The following PRUNE2 variants were observed in gnomAD, a reference collection of about 807,000 sequenced individuals.
The protein encoded by PRUNE2 is protein prune homolog 2.
In PRUNE2, 164 loss-of-function variants were observed where a neutral mutation model predicts 252.0. The ratio of observed to expected loss-of-function variants is 0.65; its 90% CI spans 0.57 to 0.74. The LOEUF (loss-of-function observed/expected upper bound fraction) is 0.74, where lower values mean the gene tolerates loss of function less well. Ranked by LOEUF, PRUNE2 falls within the 30% of genes least tolerant of loss-of-function variation. The pLI is 0.00. For synonymous variants in PRUNE2, 1,292 were observed against 1,350.2 expected (o/e 0.96, Z 0.94); for missense variants, 3,495 against 3,711.0 (o/e 0.94, Z 1.51).
At chr9:76,698,031 T>G (rs1167311420) in intron 9 of PRUNE2, among the ~76,000 whole-genome samples, 1 of 149,078 alleles carries the variant, frequency 6.7e-6, no homozygotes, top group Non-Finnish European at 1.5e-5. Flanking sequence ...AAGTCCTGAA[T>G]TAAACTGCAA....
chr9:76,655,604 C>CTT (rs558672280), intron 9 of PRUNE2, 102 bp from the exon 10 acceptor site: 28 of 856,236 alleles, frequency 3.3e-5, no homozygotes, highest in African/African-American at 3.2e-4. Context: ...TTTCAACTCA[C>CTT]TTAAAATAAA....
At chr9:76,839,986 G>A (rs939942950) in intron 4 of PRUNE2, among the ~76,000 whole-genome samples, 2 of 152,216 alleles carry the variant, frequency 1.3e-5, no homozygotes, top group Admixed American at 6.5e-5. Flanking sequence ...AGGTTCTACT[G>A]CAGCCGTGTT....
chr9:76,872,415 C>T (rs983855657), intron 1 of PRUNE2, among the ~76,000 whole-genome samples: 6 of 152,044 alleles, frequency 3.9e-5, no homozygotes, highest in Admixed American at 2.0e-4. Flanking sequence ...AATGTGGGGG[C>T]GCAGTGGACA....
intron 6 of PRUNE2, among the ~76,000 whole-genome samples, chr9:76,767,664 C>A (rs184379548): frequency 6.6e-6 from 1 of 152,182 alleles, no homozygotes; most frequent in Non-Finnish European, 1.5e-5. Flanking sequence ...TAACAGGAGG[C>A]ACCTTAAAGC....
intron 1 of PRUNE2, among the ~76,000 whole-genome samples, chr9:76,891,875 A>T (rs1294687438): frequency 6.6e-6 from 1 of 152,196 alleles, no homozygotes; most frequent in South Asian, 2.1e-4. Flanking sequence ...CATTTGTGAC[A>T]TAAATATAAT....
chr9:76,793,764 A>G (rs1699125185), intron 6 of PRUNE2, among the ~76,000 whole-genome samples: 1 of 152,192 alleles, frequency 6.6e-6, no homozygotes, highest in African/African-American at 2.4e-5. Context: ...AAAAGAAAAA[A>G]AAAAGGCTCA....
At chr9:76,713,528 A>C in intron 7 of PRUNE2, 35 bp downstream of exon 7, 1 of 1,577,728 alleles carries the variant, frequency 6.3e-7, no homozygotes, top group Non-Finnish European at 8.6e-7. Flanking sequence ...AGGTTAGGAC[A>C]GAGGGAACAT....
chr9:76,906,079 G>T lies in PRUNE2; in HGVS notation c.-116C>A. ...GCCCGCCGGGGCGCAGCGACCGACT[G>T]CTCCCTCCTGCCGCTCTGAGGCGGC... On this transcript the variant is annotated 5_prime_UTR_variant, in exon 1 of 19. Transcript: ENST00000376718. 1 of 1,091,220 alleles carries T rather than the reference G, an allele frequency of 9.2e-7. No homozygotes were observed. The highest frequency in any genetic ancestry group is 1.4e-6 in the Non-Finnish European group (1 of 716,002). 67.6% of individuals were successfully genotyped at this position (1,091,220 alleles called of 1,614,324 possible). A position where few individuals can be genotyped will look rare whatever the true frequency, so the allele number is the denominator to read the frequency against.
chr9:76,655,432 TG>T lies in PRUNE2; in HGVS notation c.8346del (p.Asp2782GlufsTer2). ...EEGVLSPSAA[D>X]MRPEPPNSLD... The stretch of plus-strand genomic sequence containing the variant: ...CAAATGCTGCTCTCACCAGGCCTCA[TG>T]TCTGCAGCACTGGGACTCAGCACGC... On this transcript the variant is annotated frameshift_variant, in exon 10 of 19. Transcript: ENST00000376718. LOFTEE classifies it high-confidence loss of function. 1 of 1,611,084 alleles carries T rather than the reference TG, an allele frequency of 6.2e-7. No individual in the cohort carries two copies.
chr9:76,679,612 T>C (rs923860081), intron 9 of PRUNE2, among the ~76,000 whole-genome samples: 7 of 152,084 alleles, frequency 4.6e-5, no homozygotes, highest in Admixed American at 6.5e-5. Flanking sequence ...GCTATGATTG[T>C]ATCATGTCAC....
At chr9:76,780,332 C>T (rs989408683) in intron 6 of PRUNE2, among the ~76,000 whole-genome samples, 1 of 152,006 alleles carries the variant, frequency 6.6e-6, no homozygotes, top group African/African-American at 2.4e-5. Context: ...AATTAAAATC[C>T]TAAACTTGAA....
intron 6 of PRUNE2, among the ~76,000 whole-genome samples, chr9:76,813,208 T>C (rs2057472892): frequency 6.6e-6 from 1 of 152,238 alleles, no homozygotes; most frequent in Non-Finnish European, 1.5e-5. Flanking sequence ...GTTTATTGAT[T>C]GTCATGACCA....
intron 9 of PRUNE2, among the ~76,000 whole-genome samples, chr9:76,659,218 A>G (rs1369375289): frequency 6.6e-6 from 1 of 152,234 alleles, no homozygotes; most frequent in Non-Finnish European, 1.5e-5. Flanking sequence ...GATCTAGCCC[A>G]TTCTTACTAT....
chr9:76,636,972 A>AG (rs367745600), intron 14 of PRUNE2, among the ~76,000 whole-genome samples: 46 of 131,554 alleles, frequency 3.5e-4, no homozygotes, highest in African/African-American at 1.3e-3. Context: ...CAACAACAAA[A>AG]ATGTGTGTGT....
intron 6 of PRUNE2, among the ~76,000 whole-genome samples, chr9:76,795,938 T>C (rs952398782): frequency 6.6e-6 from 1 of 152,186 alleles, no homozygotes; most frequent in East Asian, 1.9e-4. Context: ...CAGATAGATA[T>C]TGGTATTGGG....
rs965647795 is a variant in PRUNE2, at chr9:76,904,677, A to G, written c.36+1251T>C. Among the ~76,000 whole-genome samples the G allele has an allele frequency of 2.6e-5, 4 of 152,252 alleles. No homozygotes were observed. The South Asian group carries it at 8.3e-4, about 32-fold the overall frequency. On this transcript the variant is annotated intron_variant, in intron 1 of 18. Transcript: ENST00000376718. ...AAAAGGGTCAATAAACACAGAGATG[A>G]TCACAAACTTCCTCAACTCGGAAAT...
At chr9:76,722,182 C>A (rs1588843037) in intron 6 of PRUNE2, among the ~76,000 whole-genome samples, 2 of 151,924 alleles carry the variant, frequency 1.3e-5, no homozygotes. Flanking sequence ...CCTCAGTCTC[C>A]TGAGTAGCTG....
intron 6 of PRUNE2, among the ~76,000 whole-genome samples, chr9:76,729,181 TG>T (rs1415336355): frequency 6.6e-6 from 1 of 152,190 alleles, no homozygotes; most frequent in African/African-American, 2.4e-5. Flanking sequence ...AATGGAGCAA[TG>T]GGTTCTCCAG....
rs1423980251 is a variant in PRUNE2, at chr9:76,709,767, A to G, written c.2507T>C (p.Met836Thr). ...PSVRDPNEWA[M>T]AKSGFAFSSS... ...AGAAAAGGCAAACCCACTTTTTGCC[A>G]TGGCCCACTCATTCGGGTCCCTAAC... Residue 836 changes from methionine (M) to threonine (T), a missense_variant, in exon 8 of 19, where the codon ATG becomes ACG. Coordinates refer to ENST00000376718, the MANE Select transcript of PRUNE2 (RefSeq NM_015225.3). 3 of 1,613,924 alleles carry G rather than the reference A, an allele frequency of 1.9e-6. No homozygotes were observed. Among genetic ancestry groups the G allele is most frequent in the African/African-American group, 2.7e-5 (2 of 75,036 alleles).
Sources: gnomAD v4.1 joint callset for allele counts (sites outside exome capture counted in the v4.1 genomes callset) on GRCh38, gnomAD v4.1.1 for gene constraint, MANE v1.5 for transcripts, NCBI Gene and HGNC (gene_info 2026-07-23, HGNC 2026-07-21) for gene names.